FARP1: variants seen among roughly 807,000 people sequenced by gnomAD.
The protein encoded by FARP1 is FERM, ARH/RhoGEF and pleckstrin domain protein 1, also known as FERM, ARHGEF and pleckstrin domain-containing protein 1.
In FARP1, 52 loss-of-function variants were observed where a neutral mutation model predicts 128.8. That is an observed-to-expected ratio of 0.40 (90% CI 0.32 to 0.51). FARP1 has a LOEUF of 0.51. FARP1 is among the 20% of genes least tolerant of loss of function. FARP1 has a pLI of 0.45. For missense variants in FARP1, 1,333 were observed against 1,367.9 expected, an observed-to-expected ratio of 0.97 and a Z score of 0.40; for synonymous variants, 580 against 551.8, an observed-to-expected ratio of 1.05 and a Z score of -0.72.
chr13:98,263,785 C>T (rs1883984139), intron 2 of FARP1, among the ~76,000 whole-genome samples: 1 of 152,206 alleles, frequency 6.6e-6, no homozygotes, highest in Admixed American at 6.5e-5. Context: ...ATTGATCTCA[C>T]ATTTGTGAAT....
At chr13:98,214,075 G>T (rs1880912889) in intron 2 of FARP1, among the ~76,000 whole-genome samples, 2 of 152,184 alleles carry the variant, frequency 1.3e-5, no homozygotes, top group Admixed American at 6.5e-5. Flanking sequence ...GGAGGAGCCG[G>T]CAGCCTGGGC....
At chr13:98,224,785 C>G (rs919579511) in intron 2 of FARP1, among the ~76,000 whole-genome samples, 1 of 152,060 alleles carries the variant, frequency 6.6e-6, no homozygotes, top group African/African-American at 2.4e-5. Flanking sequence ...TGGAGGCGAC[C>G]ATGACTTCTG....
intron 18 of FARP1, chr13:98,433,294 C>G (rs965495627): frequency 6.6e-6 from 1 of 152,068 alleles, no homozygotes; most frequent in African/African-American, 2.4e-5. Context: ...GAATATATGG[C>G]GGACTCCTAC....
Position 98,317,980 on chromosome 13 carries a change from C to CTCCTTCCTTCCTCTCTCCT in FARP1, c.172-25774_172-25773insTCCTCTCTCCTTCCTTCCT, listed in dbSNP as rs113880454. 6.3e-3 allele frequency among the ~76,000 whole-genome samples: 932 copies of CTCCTTCCTTCCTCTCTCCT among 147,012 alleles called. 8 individuals carry two copies. The highest frequency in any genetic ancestry group is 0.011 in the Non-Finnish European group (706 of 66,766). ...CTGCGTTTCCTTCCTTCCTTCCTCT[C>CTCCTTCCTTCCTCTCTCCT]TCCTTCCTCTTCCTCATCCTCCTCC... On this transcript the variant is annotated intron_variant, in intron 2 of 26. Coordinates refer to ENST00000319562, the MANE Select transcript of FARP1 (RefSeq NM_005766.4).
rs1877989290 is a variant in FARP1 at position 98,176,048 on chromosome 13, G to T, written c.-24+32556G>T. The T allele has an allele frequency of 5.2e-6, 5 of 968,608 alleles. No individual in the cohort carries two copies. The Admixed American group carries it at 8.6e-5, about 17-fold the overall frequency. The allele number at this position is 968,608 out of a possible 1,614,324, so 60.0% of individuals were successfully genotyped here. ...AGTGCACATACCTCTTTGAGATCCG[G>T]ATTTCAATTCTTTTGGTTACATACT... On this transcript the variant is annotated intron_variant, in intron 1 of 26. Transcript: ENST00000319562. This position sits in a 1 kb window ranked among gnomAD's most constrained non-coding sequence, Gnocchi z 6.2.
intron 4 of FARP1, among the ~76,000 whole-genome samples, chr13:98,366,886 CT>C (rs1449433264): frequency 6.6e-6 from 1 of 151,794 alleles, no homozygotes; most frequent in East Asian, 1.9e-4. Context: ...GTCATTTTTG[CT>C]TTTTTTAAAC....
At chr13:98,226,647 A>G (rs1881790064) in intron 2 of FARP1, among the ~76,000 whole-genome samples, 1 of 152,194 alleles carries the variant, frequency 6.6e-6, no homozygotes, top group Non-Finnish European at 1.5e-5. Flanking sequence ...CTTTTGGAGC[A>G]TAATGTAGTC....
chr13:98,243,713 A>AG (rs1882908547), intron 2 of FARP1, among the ~76,000 whole-genome samples: 1 of 151,646 alleles, frequency 6.6e-6, no homozygotes, highest in Non-Finnish European at 1.5e-5. Flanking sequence ...AAAAAAAAAA[A>AG]AAAAATCTGT....
intron 2 of FARP1, among the ~76,000 whole-genome samples, chr13:98,264,911 T>G (rs1177611371): frequency 6.6e-6 from 1 of 152,246 alleles, no homozygotes; most frequent in African/African-American, 2.4e-5. Flanking sequence ...TTATCCCATT[T>G]GGGAAGTCCA....
chr13:98,313,209 CACACAT>C (rs1886561825), intron 2 of FARP1, among the ~76,000 whole-genome samples: 1 of 145,330 alleles, frequency 6.9e-6, no homozygotes, highest in African/African-American at 2.6e-5. Flanking sequence ...AATACACACA[CACACAT>C]ACACTCTGGA....
rs596739 is a variant in FARP1, at chr13:98,370,792, T to C, written c.398+2597T>C. Among the ~76,000 whole-genome samples the C allele has an allele frequency of 5.4e-3, 825 of 152,304 alleles. 14 individuals carry two copies. The highest frequency in any genetic ancestry group is 0.019 in the African/African-American group (789 of 41,560). ...AAAGACTTCCCACTGCTTTGTGTTTTCTGAACGTTTGTGCTGCTAATCATC... is the reference window on the plus strand; with the variant it reads ...AAAGACTTCCCACTGCTTTGTGTTTCCTGAACGTTTGTGCTGCTAATCATC... On this transcript the variant is annotated intron_variant, in intron 5 of 26. Coordinates refer to ENST00000319562, the MANE Select transcript of FARP1 (RefSeq NM_005766.4).
intron 2 of FARP1, among the ~76,000 whole-genome samples, chr13:98,240,143 T>A (rs1882679807): frequency 6.6e-6 from 1 of 152,200 alleles, no homozygotes; most frequent in Non-Finnish European, 1.5e-5. Flanking sequence ...CAGGGACGCC[T>A]GTGGCCAGTG....
chr13:98,430,607 G>A lies in FARP1; in HGVS notation c.1906-436G>A, dbSNP rs116999779. Among the ~76,000 whole-genome samples the A allele has an allele frequency of 4.9e-3, 749 of 152,304 alleles. 2 individuals are homozygous for A. The highest frequency in any genetic ancestry group is 8.3e-3 in the South Asian group (40 of 4,818). ...TAGCTACTGTCTGAGCAGACGGGGC[G>A]AGGGAAGCAGAACTGTGGTTTTAAA... is the stretch of plus-strand genomic sequence containing the variant. On this transcript the variant is annotated intron_variant, in intron 17 of 26. Coordinates refer to ENST00000319562, the MANE Select transcript of FARP1 (RefSeq NM_005766.4).
At chr13:98,440,270 G>A (rs1892469616) in intron 23 of FARP1, 35 bp downstream of exon 23, 1 of 1,495,776 alleles carries the variant, frequency 6.7e-7, no homozygotes, top group Non-Finnish European at 9.3e-7. Flanking sequence ...CCATGCAGGG[G>A]TCTGGTTCAT....
intron 3 of FARP1, among the ~76,000 whole-genome samples, chr13:98,353,294 G>A (rs539858612): frequency 4.3e-4 from 66 of 152,272 alleles, no homozygotes; most frequent in African/African-American, 1.6e-3. Context: ...GACCAGCAGA[G>A]TTTGATTTCT....
At chr13:98,403,041 A>G (rs965666140) in intron 13 of FARP1, 23 of 149,850 alleles carry the variant, frequency 1.5e-4, no homozygotes, top group African/African-American at 2.4e-5. Flanking sequence ...CCCTCAAAGC[A>G]TGGTGTAGCT....
At chr13:98,202,702 A>G (rs1880025813) in intron 1 of FARP1, among the ~76,000 whole-genome samples, 2 of 152,138 alleles carry the variant, frequency 1.3e-5, no homozygotes, top group East Asian at 3.9e-4. Context: ...TTAATGAAAC[A>G]TAGTCTTCTT....
chr13:98,236,032 C>T (rs1168567459), intron 2 of FARP1, among the ~76,000 whole-genome samples: 1 of 152,178 alleles, frequency 6.6e-6, no homozygotes, highest in Non-Finnish European at 1.5e-5. Context: ...CCATGTTTGT[C>T]AGGCTGGTCT....
chr13:98,312,709 T>A (rs1252652095), intron 2 of FARP1, among the ~76,000 whole-genome samples: 2 of 151,954 alleles, frequency 1.3e-5, no homozygotes, highest in African/African-American at 4.8e-5. Flanking sequence ...TAAGAAAAAA[T>A]TTGAAGCATC....
Sources: allele counts gnomAD v4.1 joint callset (sites outside exome capture counted in the v4.1 genomes callset), GRCh38; gene constraint gnomAD v4.1.1; non-coding constraint Gnocchi (gnomAD v3.1); transcripts MANE v1.5; gene names NCBI Gene and HGNC (gene_info 2026-07-23, HGNC 2026-07-21).